EIF2S3B: variants seen among roughly 807,000 people sequenced by gnomAD.
EIF2S3B encodes the protein eukaryotic translation initiation factor 2 subunit gamma B.
In EIF2S3B, 16 loss-of-function variants were observed where a neutral mutation model predicts 26.4. That is an observed-to-expected ratio of 0.61 (90% CI 0.41 to 0.92). The LOEUF (loss-of-function observed/expected upper bound fraction) is 0.92. Among genes scored for constraint, EIF2S3B ranks in the 40% least tolerant of loss-of-function variants. The pLI is 0.00. For synonymous variants in EIF2S3B, 183 were observed against 204.4 expected (o/e 0.90, Z 0.89); for missense variants, 510 against 575.5 (o/e 0.89, Z 1.16).
rs917318017 is a variant in EIF2S3B at position 10,523,127 on chromosome 12, T to C, written c.*432T>C. The C allele has an allele frequency of 2.0e-5, 3 of 152,166 alleles. No homozygotes were observed. In the East Asian group the frequency reaches 5.8e-4, roughly 29 times the overall value. 9.4% of individuals were successfully genotyped at this position (152,166 alleles called of 1,614,324 possible). A position where few individuals can be genotyped will look rare whatever the true frequency, so the allele number is the denominator to read the frequency against. On this transcript the variant is annotated 3_prime_UTR_variant, in exon 2 of 2. Coordinates refer to the EIF2S3B transcript ENST00000322446. ...GATGTTTAAAAAATAAAAAATGAAG[T>C]TATATTGATATTATATTTCATATTT...
downstream of EIF2S3B, among the ~76,000 whole-genome samples, chr12:10,512,638 ATC>A (rs1253503512): frequency 2.0e-5 from 3 of 152,082 alleles, no homozygotes; most frequent in Admixed American, 1.3e-4. Flanking sequence ...CCATCCATCT[ATC>A]TCAGAAAAAA....
chr12:10,513,210 G>A (rs116356846), downstream of EIF2S3B, among the ~76,000 whole-genome samples: 4,709 of 152,110 alleles, frequency 0.031, 217 homozygotes, highest in African/African-American at 0.1. Context: ...TTATAAAATT[G>A]TATGACATTG....
Position 10,506,502 on chromosome 12 carries a change from T to C in EIF2S3B, c.600T>C (p.Ala200=). ...NKIDLVKERQ[A]KEQYEQILAF... ...TTGATTTGGTAAAAGAAAGGCAGGC[T>C]AAAGAACAATACGAGCAGATCCTTG... is the stretch of plus-strand genomic sequence containing the variant. The change falls in exon 1 of 1, where the codon GCT becomes GCC. Residue 200 remains alanine, a synonymous_variant. Transcript: ENST00000538173. 1 of 1,601,630 alleles carries C rather than the reference T, an allele frequency of 6.2e-7. No individual in the cohort carries two copies. The highest frequency in any genetic ancestry group is 1.1e-5 in the South Asian group (1 of 90,832).
intron 1 of EIF2S3B, among the ~76,000 whole-genome samples, chr12:10,521,633 A>G (rs1380509503): frequency 6.6e-6 from 1 of 152,316 alleles, no homozygotes; most frequent in East Asian, 1.9e-4. Flanking sequence ...AAGAAAAAGA[A>G]TCTGAATCAA....
chr12:10,511,188 AAAG>A (rs1339675455), downstream of EIF2S3B, among the ~76,000 whole-genome samples: 5 of 151,652 alleles, frequency 3.3e-5, no homozygotes, highest in African/African-American at 4.9e-5. Context: ...TTAACTCTAG[AAAG>A]AAGGTTTTTT....
At chr12:10,516,744 G>C (rs532238025) in intron 1 of EIF2S3B, among the ~76,000 whole-genome samples, 1 of 151,770 alleles carries the variant, frequency 6.6e-6, no homozygotes, top group Non-Finnish European at 1.5e-5. Flanking sequence ...ATTGGCTGTG[G>C]GTTTGTCATA....
intron 1 of EIF2S3B, among the ~76,000 whole-genome samples, chr12:10,516,568 T>G (rs1239652819): frequency 2.6e-5 from 4 of 152,122 alleles, no homozygotes; most frequent in South Asian, 4.1e-4. Context: ...AGGGACAATT[T>G]GACTTCCTCT....
chr12:10,517,726 C>T (rs1047400937), intron 1 of EIF2S3B, among the ~76,000 whole-genome samples: 22 of 152,174 alleles, frequency 1.4e-4, no homozygotes, highest in South Asian at 6.2e-4. Flanking sequence ...TGGATCTTTC[C>T]TGCTTTCTCT....
chr12:10,518,578 T>A (rs984860401), intron 1 of EIF2S3B, among the ~76,000 whole-genome samples: 172 of 152,272 alleles, frequency 1.1e-3, no homozygotes, highest in Admixed American at 3.4e-3. Context: ...TGTCTTTTAA[T>A]TGGAGCATTT....
intron 1 of EIF2S3B, among the ~76,000 whole-genome samples, chr12:10,518,625 A>C (rs1442542803): frequency 6.6e-6 from 1 of 152,106 alleles, no homozygotes; most frequent in Non-Finnish European, 1.5e-5. Context: ...TTCTCAGCCC[A>C]AAATCTCCTT....
intron 1 of EIF2S3B, among the ~76,000 whole-genome samples, chr12:10,517,109 G>A (rs1014226759): frequency 1.3e-5 from 2 of 151,716 alleles, no homozygotes; most frequent in African/African-American, 2.4e-5. Context: ...TTGGTATCAG[G>A]GTGATGCTGG....
chr12:10,512,651 A>G (rs1042406420), downstream of EIF2S3B, among the ~76,000 whole-genome samples: 2 of 152,034 alleles, frequency 1.3e-5, no homozygotes, highest in African/African-American at 4.8e-5. Flanking sequence ...TCAGAAAAAA[A>G]ATTTATCTTC....
At chr12:10,516,201 G>A (rs1053605464) in intron 1 of EIF2S3B, among the ~76,000 whole-genome samples, 4 of 151,840 alleles carry the variant, frequency 2.6e-5, no homozygotes, top group Admixed American at 2.6e-4. Context: ...TTGCTAACAT[G>A]TCTCTAGAAC....
chr12:10,513,426 A>C (rs6488297), downstream of EIF2S3B, among the ~76,000 whole-genome samples: 121,643 of 152,154 alleles, frequency 0.8, 49,180 homozygotes, highest in East Asian at 0.94. Flanking sequence ...GGAGTTTCAG[A>C]CTTGTTCAGT....
At chr12:10,516,321 C>T (rs953693002) in intron 1 of EIF2S3B, among the ~76,000 whole-genome samples, 4 of 152,018 alleles carry the variant, frequency 2.6e-5, no homozygotes, top group African/African-American at 9.6e-5. Flanking sequence ...ATGCATATAT[C>T]GTAAGCCTGC....
chr12:10,511,121 G>A (rs1024721420), downstream of EIF2S3B, among the ~76,000 whole-genome samples: 1 of 151,906 alleles, frequency 6.6e-6, no homozygotes, highest in African/African-American at 2.4e-5. Flanking sequence ...AAATCTGTTT[G>A]CTATTAGCTT....
At chr12:10,521,902 T>C (rs747650134) in intron 1 of EIF2S3B, among the ~76,000 whole-genome samples, 1 of 152,320 alleles carries the variant, frequency 6.6e-6, no homozygotes, top group South Asian at 2.1e-4. Context: ...TAGGAAGCAG[T>C]TCTAATCCTT....
chr12:10,520,351 G>A (rs961967974), intron 1 of EIF2S3B, among the ~76,000 whole-genome samples: 9 of 135,782 alleles, frequency 6.6e-5, no homozygotes, highest in African/African-American at 2.5e-4. Flanking sequence ...CACACTCTGG[G>A]GACTGTTGTG....
At chr12:10,521,350 G>A (rs1864829910) in intron 1 of EIF2S3B, among the ~76,000 whole-genome samples, 1 of 151,788 alleles carries the variant, frequency 6.6e-6, no homozygotes, top group South Asian at 2.1e-4. Flanking sequence ...ACAAAGCTGG[G>A]AATCACTTGT....
Sources: allele counts gnomAD v4.1 joint callset (sites outside exome capture counted in the v4.1 genomes callset), GRCh38; gene constraint gnomAD v4.1.1; transcripts MANE v1.5; gene names NCBI Gene and HGNC (gene_info 2026-07-23, HGNC 2026-07-21).